Variants in CBFA2T2 observed in about 807,000 individuals in gnomAD.
CBFA2T2 encodes the protein protein CBFA2T2.
In CBFA2T2, 11 loss-of-function variants were observed where a neutral mutation model predicts 62.2. The ratio of observed to expected loss-of-function variants is 0.18; its 90% confidence interval spans 0.11 to 0.29. The LOEUF is 0.29. Ranked by LOEUF, CBFA2T2 falls within the 10% of genes least tolerant of loss-of-function variation. CBFA2T2 has a pLI of 1.00. For synonymous variants in CBFA2T2, 295 were observed against 287.5 expected (o/e 1.03, Z -0.27); for missense variants, 592 against 774.1 (o/e 0.76, Z 2.79).
At chr20:33,527,433 C>T (rs1025274391) in intron 1 of CBFA2T2, among the ~76,000 whole-genome samples, 2 of 140,116 alleles carry the variant, frequency 1.4e-5, no homozygotes, top group Admixed American at 7.7e-5. Context: ...AGTGCAGTGG[C>T]GTGATCTTGG....
chr20:33,562,247 A>G (rs759144339), intron 1 of CBFA2T2: 122 of 242,338 alleles, frequency 5.0e-4, no homozygotes, highest in Non-Finnish European at 6.9e-4. Context: ...CGTATTTAAC[A>G]AGTTAATGTC....
intron 8 of CBFA2T2, 44 bp downstream of exon 8, chr20:33,629,958 T>G: frequency 6.6e-7 from 1 of 1,516,920 alleles, no homozygotes; most frequent in Non-Finnish European, 8.9e-7. Context: ...ATGTCAGCCT[T>G]TAGAGCCCAC....
At chr20:33,600,192 T>TTTTTG (rs2015070033) in intron 1 of CBFA2T2, 1 of 135,786 alleles carries the variant, frequency 7.4e-6, no homozygotes, top group African/African-American at 2.8e-5. Flanking sequence ...GTTTTTTTTT[T>TTTTTG]TTTTTTTTTT....
chr20:33,499,060 A>AT (rs1555827486), intron 1 of CBFA2T2, among the ~76,000 whole-genome samples: 2 of 151,976 alleles, frequency 1.3e-5, no homozygotes, highest in East Asian at 3.9e-4. Context: ...AAAAAAAAAA[A>AT]AATAAGCAGA....
intron 1 of CBFA2T2, among the ~76,000 whole-genome samples, chr20:33,576,842 G>A (rs1477798236): frequency 2.6e-5 from 4 of 152,264 alleles, no homozygotes; most frequent in Non-Finnish European, 5.9e-5. Context: ...GAGTTAAACC[G>A]TTCCAAGTGT....
At chr20:33,510,388 ATT>A (rs1003046757) in intron 1 of CBFA2T2, among the ~76,000 whole-genome samples, 3 of 149,700 alleles carry the variant, frequency 2.0e-5, no homozygotes, top group Non-Finnish European at 4.4e-5. Flanking sequence ...TTTTTTTTGT[ATT>A]TTTAGTAGAG....
intron 1 of CBFA2T2, among the ~76,000 whole-genome samples, chr20:33,594,346 C>T (rs537159772): frequency 1.2e-4 from 19 of 152,236 alleles, no homozygotes; most frequent in African/African-American, 4.1e-4. Flanking sequence ...CTCAGCCTCC[C>T]GAGTAGCTGG....
intron 1 of CBFA2T2, among the ~76,000 whole-genome samples, chr20:33,518,411 T>A (rs1490265605): frequency 6.6e-6 from 1 of 151,986 alleles, no homozygotes; most frequent in Non-Finnish European, 1.5e-5. Flanking sequence ...GTAGATATAT[T>A]GGGGAGATAA....
At chr20:33,616,601 C>T (rs1378688939) in intron 3 of CBFA2T2, among the ~76,000 whole-genome samples, 1 of 151,998 alleles carries the variant, frequency 6.6e-6, no homozygotes, top group Non-Finnish European at 1.5e-5. Flanking sequence ...CCAGTGCACA[C>T]CTGTAATCCC....
At position 33,646,860 on chromosome 20, in the gene CBFA2T2, CAAAAAAAAAAA is replaced by C. The variant is rs113099411; in HGVS notation, c.*2221_*2231del. 1 of 97,580 alleles carries C rather than the reference CAAAAAAAAAAA, an allele frequency of 1.0e-5. No homozygotes were observed. The allele number at this position is 97,580 out of a possible 1,614,324, so 6.0% of individuals were successfully genotyped here. On this transcript the variant is annotated 3_prime_UTR_variant, in exon 11 of 11. Coordinates refer to ENST00000342704, the MANE Select transcript of CBFA2T2 (RefSeq NM_001032999.3). ...TGGGCAACAGAGCAAAACTCTGTCTCAAAAAAAAAAAAAAAAAGGCAAAATTAAAGAATTTC... is the reference window on the plus strand; with the variant it reads ...TGGGCAACAGAGCAAAACTCTGTCTCAAAAAAGGCAAAATTAAAGAATTTC...
At chr20:33,627,683 A>G (rs2016292794) in intron 6 of CBFA2T2, among the ~76,000 whole-genome samples, 1 of 152,196 alleles carries the variant, frequency 6.6e-6, no homozygotes, top group Non-Finnish European at 1.5e-5. Context: ...TGAGGAACTC[A>G]ATATATACTG....
At chr20:33,502,431 G>A (rs891073719) in intron 1 of CBFA2T2, among the ~76,000 whole-genome samples, 2 of 151,328 alleles carry the variant, frequency 1.3e-5, no homozygotes, top group African/African-American at 4.9e-5. Context: ...GTGTGTGACG[G>A]AGTCTCGCTC....
chr20:33,559,193 T>TTC (rs1555835221), intron 1 of CBFA2T2, among the ~76,000 whole-genome samples: 4 of 143,928 alleles, frequency 2.8e-5, no homozygotes, highest in African/African-American at 1.1e-4. Context: ...TTTTTTTTTT[T>TTC]CTGAGATGGA....
chr20:33,493,998 C>T lies in CBFA2T2; in HGVS notation c.34+3697C>T, dbSNP rs1281141892. Among the ~76,000 whole-genome samples, 3 of 151,280 alleles carry T rather than the reference C, an allele frequency of 2.0e-5. No individual in the cohort carries two copies. In the Admixed American group the frequency reaches 2.0e-4, roughly 10 times the overall value. ...TCCTGAATTCAAGTGATTGTCCTGC[C>T]TCAGCCTCCCAAGTACTGGGATTTC... On this transcript the variant is annotated intron_variant, in intron 1 of 10. Coordinates refer to ENST00000342704, the MANE Select transcript of CBFA2T2 (RefSeq NM_001032999.3).
intron 1 of CBFA2T2, among the ~76,000 whole-genome samples, chr20:33,579,697 G>A (rs546648450): frequency 6.6e-6 from 1 of 151,222 alleles, no homozygotes; most frequent in South Asian, 2.1e-4. Flanking sequence ...AACTCACTTT[G>A]TGTTTGGTGG....
chr20:33,584,210 A>G (rs2014255819), intron 1 of CBFA2T2, among the ~76,000 whole-genome samples: 1 of 151,854 alleles, frequency 6.6e-6, no homozygotes, highest in African/African-American at 2.4e-5. Flanking sequence ...CAGCCTCCCA[A>G]AGTGCTGGGA....
At chr20:33,636,820 C>T in intron 9 of CBFA2T2, 112 bp downstream of exon 9, 1 of 752,164 alleles carries the variant, frequency 1.3e-6, no homozygotes, top group Non-Finnish European at 2.3e-6. Context: ...TAATAACTTG[C>T]TCCTCATAGA....
chr20:33,591,738 G>A (rs2014646585), intron 1 of CBFA2T2, among the ~76,000 whole-genome samples: 1 of 151,862 alleles, frequency 6.6e-6, no homozygotes, highest in Non-Finnish European at 1.5e-5. Context: ...CTTTGAGACA[G>A]AGACATTCTC....
chr20:33,517,769 C>T (rs559873132), intron 1 of CBFA2T2, among the ~76,000 whole-genome samples: 22 of 151,592 alleles, frequency 1.5e-4, no homozygotes, highest in Admixed American at 8.6e-4. Context: ...CTCAGCCTCC[C>T]GAGTAGCTTG....
Sources: gnomAD v4.1 joint callset for allele counts (sites outside exome capture counted in the v4.1 genomes callset) on GRCh38, gnomAD v4.1.1 for gene constraint, MANE v1.5 for transcripts, NCBI Gene and HGNC (gene_info 2026-07-23, HGNC 2026-07-21) for gene names.